Variants in LYPD6B observed in about 807,000 individuals in gnomAD.
LYPD6B encodes the protein LY6/PLAUR domain containing 6B.
In LYPD6B, 17 loss-of-function variants were observed where a neutral mutation model predicts 22.8. The observed-to-expected ratio is 0.75, with a 90% CI of 0.51 to 1.12. The LOEUF (loss-of-function observed/expected upper bound fraction) is 1.12. Among genes scored for constraint, LYPD6B ranks in the 50% most tolerant of loss-of-function variants. The pLI, the probability that LYPD6B is intolerant of heterozygous loss-of-function variation, is 0.00. For synonymous variants in LYPD6B, 106 were observed against 91.6 expected (o/e 1.16, Z -0.90); for missense variants, 221 against 258.3 (o/e 0.86, Z 0.99).
At chr2:149,159,153 A>G (rs1179289309) in intron 2 of LYPD6B, among the ~76,000 whole-genome samples, 1 of 152,114 alleles carries the variant, frequency 6.6e-6, no homozygotes, top group Admixed American at 6.6e-5. Context: ...GAGACTCCCT[A>G]CTGTGTATAC....
At chr2:149,178,886 C>T (rs1559056807) in intron 3 of LYPD6B, among the ~76,000 whole-genome samples, 1 of 152,164 alleles carries the variant, frequency 6.6e-6, no homozygotes, top group Non-Finnish European at 1.5e-5. Context: ...CCATTTAGAG[C>T]TTGGTGGGAT....
chr2:149,175,059 CTCTG>C (rs1383746224), intron 3 of LYPD6B, among the ~76,000 whole-genome samples: 5 of 116,172 alleles, frequency 4.3e-5, no homozygotes, highest in African/African-American at 1.4e-4. Flanking sequence ...CTCTCTCTCT[CTCTG>C]TGTGTGTGTG....
intron 3 of LYPD6B, among the ~76,000 whole-genome samples, chr2:149,175,447 AGTGGT>A (rs1381105531): frequency 6.6e-6 from 1 of 152,144 alleles, no homozygotes; most frequent in African/African-American, 2.4e-5. Context: ...TGAGTGAGTG[AGTGGT>A]AAGTGAATGT....
At chr2:149,164,368 G>T (rs942115393) in intron 3 of LYPD6B, among the ~76,000 whole-genome samples, 4 of 152,080 alleles carry the variant, frequency 2.6e-5, no homozygotes, top group Middle Eastern at 3.2e-3. Context: ...AAGGCATTCT[G>T]GGCTTCCTGC....
At chr2:149,175,876 T>C (rs1012776133) in intron 3 of LYPD6B, among the ~76,000 whole-genome samples, 9 of 152,142 alleles carry the variant, frequency 5.9e-5, no homozygotes, top group Admixed American at 2.0e-4. Context: ...ATAACATGCA[T>C]GGAGCTGACA....
At chr2:149,154,486 T>G (rs895533675) in intron 2 of LYPD6B, among the ~76,000 whole-genome samples, 3 of 8,588 alleles carry the variant, frequency 3.5e-4, no homozygotes, top group Non-Finnish European at 5.1e-4. Flanking sequence ...TAAGCCACCA[T>G]TTTTTTTTGT....
intron 2 of LYPD6B, among the ~76,000 whole-genome samples, chr2:149,153,417 G>C (rs747933431): frequency 6.6e-6 from 1 of 152,140 alleles, no homozygotes; most frequent in Non-Finnish European, 1.5e-5. Flanking sequence ...AGTGTCGTGG[G>C]ATGGTCAGGA....
chr2:149,062,860 CTTTT>C (rs5835285), intron 1 of LYPD6B, among the ~76,000 whole-genome samples: 6 of 93,556 alleles, frequency 6.4e-5, no homozygotes, highest in African/African-American at 1.6e-4. Context: ...GATACATGTT[CTTTT>C]TTTTTTTTTT....
In LYPD6B at chr2:149,073,644, C is replaced by T. The variant is rs181598757; in HGVS notation, c.-67+34843C>T. 1.6e-4 allele frequency among the ~76,000 whole-genome samples: 24 copies of T among 152,116 alleles called. No homozygotes were observed. The East Asian group carries it at 4.1e-3, about 26-fold the overall frequency. On this transcript the variant is annotated intron_variant, in intron 1 of 6. Transcript: ENST00000409642. ...TCCACTCGGTGCTTTTGCTTATCCT[C>T]CTACCACTGCTGTGTCTCCTTGGAT...
intron 1 of LYPD6B, among the ~76,000 whole-genome samples, chr2:149,105,737 T>A (rs1057437866): frequency 6.6e-6 from 1 of 152,144 alleles, no homozygotes; most frequent in African/African-American, 2.4e-5. Context: ...TAGATTATTA[T>A]GGCATGCTCC....
At chr2:149,180,054 G>A (rs1489112905) in intron 3 of LYPD6B, among the ~76,000 whole-genome samples, 1 of 152,164 alleles carries the variant, frequency 6.6e-6, no homozygotes, top group East Asian at 1.9e-4. Context: ...GTTTGTGTTT[G>A]CCTAACTTTT....
chr2:149,153,464 G>A (rs850221), intron 2 of LYPD6B, among the ~76,000 whole-genome samples: 98,705 of 151,930 alleles, frequency 0.65, 32,234 homozygotes, highest in South Asian at 0.76. Context: ...ATCAGTAAAG[G>A]AAACTGGGAG....
intron 5 of LYPD6B, 74 bp from the exon 6 acceptor site, chr2:149,212,918 A>G: frequency 6.8e-7 from 1 of 1,459,980 alleles, no homozygotes. Flanking sequence ...TTAATTGTTA[A>G]GAGATCTCTT....
intron 1 of LYPD6B, among the ~76,000 whole-genome samples, chr2:149,066,726 C>A (rs1375509345): frequency 6.6e-6 from 1 of 152,010 alleles, no homozygotes. Flanking sequence ...TCCTTCTTCA[C>A]CCTCCAACAT....
rs574591292 is a variant in LYPD6B, at chr2:149,085,621, T to C, written c.-66-45262T>C. On this transcript the variant is annotated intron_variant, in intron 1 of 6. Coordinates refer to ENST00000409642, the MANE Select transcript of LYPD6B (RefSeq NM_177964.5). The stretch of plus-strand genomic sequence containing the variant: ...GGCAACAAGCTTAAAGACTGGAATG[T>C]CCCAGCAATGGGCTGTGGATGTGGA... Among the ~76,000 whole-genome samples, 3 of 152,330 alleles carry C rather than the reference T, an allele frequency of 2.0e-5. No homozygotes were observed. The South Asian group carries it at 6.2e-4, about 32-fold the overall frequency.
intron 1 of LYPD6B, among the ~76,000 whole-genome samples, chr2:149,070,806 C>T (rs536439914): frequency 2.6e-5 from 4 of 152,280 alleles, no homozygotes; most frequent in Non-Finnish European, 5.9e-5. Flanking sequence ...GAGGCATGTT[C>T]TGTGAAACCA....
intron 1 of LYPD6B, among the ~76,000 whole-genome samples, chr2:149,076,390 C>T (rs1222797510): frequency 6.6e-6 from 1 of 152,068 alleles, no homozygotes; most frequent in African/African-American, 2.4e-5. Context: ...ATAATTTACC[C>T]AGGACTCTGA....
intron 3 of LYPD6B, chr2:149,161,379 G>A (rs1305098860): frequency 6.4e-6 from 1 of 155,100 alleles, no homozygotes; most frequent in Non-Finnish European, 1.4e-5. Context: ...GATGGACGTG[G>A]GCACATTGAA....
At chr2:149,103,538 A>G (rs1357760262) in intron 1 of LYPD6B, among the ~76,000 whole-genome samples, 1 of 152,088 alleles carries the variant, frequency 6.6e-6, no homozygotes, top group African/African-American at 2.4e-5. Context: ...ACAGTTTGCT[A>G]AGTTTGGACA....
Sources: allele counts gnomAD v4.1 joint callset (sites outside exome capture counted in the v4.1 genomes callset), GRCh38; gene constraint gnomAD v4.1.1; transcripts MANE v1.5; gene names NCBI Gene and HGNC (gene_info 2026-07-23, HGNC 2026-07-21).